LOXL2: variants seen among roughly 807,000 people sequenced by gnomAD.
LOXL2 encodes the protein lysyl oxidase like 2.
Under a neutral mutation model 93.0 loss-of-function variants are expected in LOXL2, and 70 were observed. The ratio of observed to expected loss-of-function variants is 0.75; its 90% CI spans 0.62 to 0.92. LOXL2 has a LOEUF of 0.92. LOXL2 is among the 40% of genes least tolerant of loss of function. The pLI is 0.00. For missense variants in LOXL2, 973 were observed against 1,054.9 expected (o/e 0.92, Z 1.08); for synonymous variants, 438 against 413.2 (o/e 1.06, Z -0.73).
chr8:23,318,958 A>G (rs1041546852), intron 8 of LOXL2, among the ~76,000 whole-genome samples: 4 of 152,224 alleles, frequency 2.6e-5, no homozygotes, highest in African/African-American at 9.6e-5. Context: ...AGTCAGGCTC[A>G]GTAAGGATGC....
At chr8:23,332,656 T>C (rs2117171672) in intron 5 of LOXL2, among the ~76,000 whole-genome samples, 3 of 44,072 alleles carry the variant, frequency 6.8e-5, no homozygotes, top group African/African-American at 2.1e-4. Context: ...CACACGCTCA[T>C]ACACCCCCCC....
rs747451775 is a variant in LOXL2, at chr8:23,309,679, G to A, written c.1869C>T (p.His623=). ...CCAGCCAGGCCTACCTGTGACAGTC[G>A]TGCCAGATCCACGCGTGGCGGCCGT... is the stretch of plus-strand genomic sequence containing the variant. ...PKNGRHAWIW[H]DCHRHYHSME... The change falls in exon 10 of 14, where the codon CAC becomes CAT. Residue 623 remains histidine (H), a synonymous_variant. Coordinates refer to ENST00000389131, the MANE Select transcript of LOXL2 (RefSeq NM_002318.3). 5.4e-6 allele frequency: 8 copies of A among 1,475,538 alleles called. No individual in the cohort carries two copies. Among genetic ancestry groups the A allele is most frequent in the South Asian group, 4.2e-5 (3 of 72,092 alleles). The allele number at this position is 1,475,538 out of a possible 1,614,324, so 91.4% of individuals were successfully genotyped here.
chr8:23,385,585 A>G (rs1032356257), intron 1 of LOXL2, among the ~76,000 whole-genome samples: 12 of 152,110 alleles, frequency 7.9e-5, no homozygotes, highest in African/African-American at 2.7e-4. Flanking sequence ...AAAGTAAAAC[A>G]GAACTTATAT....
chr8:23,313,269 C>T (rs1803344944), intron 9 of LOXL2, among the ~76,000 whole-genome samples: 1 of 152,104 alleles, frequency 6.6e-6, no homozygotes, highest in African/African-American at 2.4e-5. Flanking sequence ...CTACCAATGA[C>T]TTTCTTCACA....
intron 1 of LOXL2, among the ~76,000 whole-genome samples, chr8:23,399,681 T>C (rs1024738003): frequency 3.3e-5 from 5 of 152,184 alleles, no homozygotes; most frequent in African/African-American, 1.2e-4. Context: ...TCCTTTTGTT[T>C]AATAAACTAC....
rs774281779 is a variant in LOXL2 at position 23,341,054 on chromosome 8, G to A, written c.681C>T (p.Ser227=). 6.2e-7 allele frequency: 1 copy of A among 1,614,154 alleles called. No individual in the cohort carries two copies. Among genetic ancestry groups the A allele is most frequent in the East Asian group, 2.2e-5 (1 of 44,864 alleles). Residue 227 remains serine (S), a synonymous_variant, in exon 4 of 14, where the codon TCC becomes TCT. Coordinates refer to ENST00000389131, the MANE Select transcript of LOXL2 (RefSeq NM_002318.3). ...ICDKHWTAKN[S]RVVCGMFGFP... Reference sequence around the variant, plus strand: ...AGCCAAACATGCCGCAGACCACGCGGGAATTCTTGGCCGTCCAGTGCTTGT... The same window carrying A: ...AGCCAAACATGCCGCAGACCACGCGAGAATTCTTGGCCGTCCAGTGCTTGT...
intron 3 of LOXL2, among the ~76,000 whole-genome samples, chr8:23,346,142 T>TAATAA (rs1482289467): frequency 0.27 from 30,512 of 112,094 alleles, 4,836 homozygotes; most frequent in African/African-American, 0.47. Flanking sequence ...TAAAATAAAA[T>TAATAA]AAATAAAATA....
intron 1 of LOXL2, among the ~76,000 whole-genome samples, chr8:23,382,042 G>A (rs1392206473): frequency 1.3e-5 from 2 of 152,240 alleles, no homozygotes; most frequent in Non-Finnish European, 2.9e-5. Flanking sequence ...TGATGCTGGA[G>A]ACAGCCACAG....
intron 4 of LOXL2, chr8:23,337,583 C>G (rs989734289): frequency 2.6e-5 from 4 of 152,254 alleles, no homozygotes; most frequent in African/African-American, 9.6e-5. Context: ...TTTCAGCCAA[C>G]CAACCAGGCA....
At chr8:23,341,865 T>C (rs942783907) in intron 3 of LOXL2, among the ~76,000 whole-genome samples, 37 of 152,190 alleles carry the variant, frequency 2.4e-4, no homozygotes, top group Non-Finnish European at 4.1e-4. Flanking sequence ...CACACCTGCC[T>C]GGCAGGGATC....
chr8:23,348,880 A>C lies in LOXL2; in HGVS notation c.532-7677T>G, dbSNP rs76406912. ...CGACAGAGCAAGACTCCGTCTCAAA[A>C]AAAACAAAACAAACAAACAAAAAAA... On this transcript the variant is annotated intron_variant, in intron 3 of 13. Coordinates refer to ENST00000389131, the MANE Select transcript of LOXL2 (RefSeq NM_002318.3). 1.7e-3 allele frequency among the ~76,000 whole-genome samples: 255 copies of C among 151,546 alleles called. 3 individuals are homozygous for C. In the East Asian group the frequency reaches 0.044, roughly 26 times the overall value.
At chr8:23,322,553 T>C (rs4871865) in intron 6 of LOXL2, among the ~76,000 whole-genome samples, 110,368 of 152,094 alleles carry the variant, frequency 0.73, 40,201 homozygotes, top group Non-Finnish European at 0.76. Flanking sequence ...GAATACCAGT[T>C]TTCTCTCATC....
At chr8:23,369,351 G>A (rs1476140300) in intron 1 of LOXL2, among the ~76,000 whole-genome samples, 1 of 152,148 alleles carries the variant, frequency 6.6e-6, no homozygotes, top group East Asian at 1.9e-4. Context: ...AGAGAAAAGA[G>A]GAGACGATTT....
chr8:23,308,895 G>A (rs991928690), intron 10 of LOXL2, among the ~76,000 whole-genome samples: 2 of 151,976 alleles, frequency 1.3e-5, no homozygotes, highest in African/African-American at 4.8e-5. Flanking sequence ...CCAGGTCTCA[G>A]GACTCTTGGG....
intron 1 of LOXL2, among the ~76,000 whole-genome samples, chr8:23,392,958 A>T (rs1794257571): frequency 4.6e-5 from 7 of 152,256 alleles, no homozygotes; most frequent in Admixed American, 4.6e-4. Context: ...TCCCATTTAC[A>T]ATAGCATCAA....
rs983170543 is a variant in LOXL2 at position 23,333,582 on chromosome 8, G to A, written c.785C>T (p.Ser262Phe). The change falls in exon 5 of 14, where the codon TCC becomes TTC. Residue 262 changes from serine (S) to phenylalanine (F), a missense_variant. Transcript: ENST00000389131. ...GGCCTCTGTGCCGGTGCAGTCCATG[G>A]AGAATGGCCAGTAGCGCTGCTTCCT... ...SRRKQRYWPF[S>F]MDCTGTEAHI... 5 of 1,613,716 alleles carry A rather than the reference G, an allele frequency of 3.1e-6. No homozygotes were observed. The highest frequency in any genetic ancestry group is 2.2e-5 in the East Asian group (1 of 44,904).
In LOXL2 at chr8:23,368,328, G is replaced by A. The variant is rs1305447006; in HGVS notation, c.24C>T (p.His8=). MERPLCS[H]LCSCLAMLAL... ...CCAGCATAGCCAGGCAGCTGCAGAG[G>A]TGGGAGCACAGAGGCCTCTCCATCC... The change falls in exon 2 of 14, where the codon CAC becomes CAT. Residue 8 remains histidine (H), a synonymous_variant. Transcript: ENST00000389131. 9 of 1,612,526 alleles carry A rather than the reference G, an allele frequency of 5.6e-6. No homozygotes were observed. The highest frequency in any genetic ancestry group is 1.1e-5 in the South Asian group (1 of 91,074).
intron 6 of LOXL2, among the ~76,000 whole-genome samples, chr8:23,323,335 G>C (rs1241530701): frequency 6.6e-6 from 1 of 152,196 alleles, no homozygotes; most frequent in Non-Finnish European, 1.5e-5. Flanking sequence ...AGAAGGTTCT[G>C]TCTGGGAAAC....
At chr8:23,334,964 C>T (rs1052572193) in intron 4 of LOXL2, among the ~76,000 whole-genome samples, 1 of 151,988 alleles carries the variant, frequency 6.6e-6, no homozygotes, top group Non-Finnish European at 1.5e-5. Flanking sequence ...TTACAGGTAC[C>T]TGCCACCACA....
Sources: gnomAD v4.1 joint callset for allele counts (sites outside exome capture counted in the v4.1 genomes callset) on GRCh38, gnomAD v4.1.1 for gene constraint, MANE v1.5 for transcripts, NCBI Gene and HGNC (gene_info 2026-07-23, HGNC 2026-07-21) for gene names.